IDE: variants seen among roughly 807,000 people sequenced by gnomAD.
The protein encoded by IDE is insulin degrading enzyme.
In IDE, 58 loss-of-function variants were observed where a neutral mutation model predicts 133.2. That is an observed-to-expected ratio of 0.44 (90% CI 0.35 to 0.54). The LOEUF is 0.54. IDE is among the 20% of genes least tolerant of loss of function. The probability of loss-of-function intolerance (pLI) is 0.00; values close to 1 mark genes in which losing one functional copy is unlikely to be tolerated. For synonymous variants in IDE, 396 were observed against 421.3 expected (o/e 0.94, Z 0.73); for missense variants, 981 against 1,234.0 (o/e 0.79, Z 3.07).
chr10:92,515,710 G>A (rs1848882957), intron 4 of IDE, among the ~76,000 whole-genome samples: 1 of 150,270 alleles, frequency 6.7e-6, no homozygotes, highest in East Asian at 2.0e-4. Flanking sequence ...ACAGGCATGC[G>A]CCACCACGCC....
In IDE at chr10:92,525,752, GAAA is replaced by G. The variant is rs59547662; in HGVS notation, c.661+5993_661+5995del. On this transcript the variant is annotated intron_variant, in intron 4 of 24. Coordinates refer to ENST00000265986, the MANE Select transcript of IDE (RefSeq NM_004969.4). ...TCTATATGCCAACAGTGAACAATCT[GAAA>G]AAAAAAAAAAAAAAACCAAGAAAGC... is the stretch of plus-strand genomic sequence containing the variant. Among the ~76,000 whole-genome samples, 1,035 of 116,408 alleles carry G rather than the reference GAAA, an allele frequency of 8.9e-3. 12 individuals carry two copies. Among genetic ancestry groups the G allele is most frequent in the African/African-American group, 0.029 (915 of 31,146 alleles). The allele number at this position is 116,408 out of a possible 152,430, so 76.4% of individuals were successfully genotyped here.
At chr10:92,516,030 G>A (rs1221662986) in intron 4 of IDE, among the ~76,000 whole-genome samples, 10 of 151,146 alleles carry the variant, frequency 6.6e-5, no homozygotes, top group African/African-American at 1.9e-4. Flanking sequence ...TTAGCCAGGC[G>A]TGGTGGCACA....
chr10:92,572,752 C>A (rs1843846299), intron 1 of IDE, among the ~76,000 whole-genome samples: 1 of 152,206 alleles, frequency 6.6e-6, no homozygotes, highest in Non-Finnish European at 1.5e-5. Flanking sequence ...AATCGGCTCA[C>A]TGCTCCCCCA....
At chr10:92,573,635 C>T (rs1430428192) in intron 1 of IDE, among the ~76,000 whole-genome samples, 1 of 152,212 alleles carries the variant, frequency 6.6e-6, no homozygotes, top group Non-Finnish European at 1.5e-5. Context: ...CCCTGCGCCC[C>T]CCGCACTAGT....
In IDE at chr10:92,531,923, G is replaced by T. The variant is rs1849947318; in HGVS notation, c.492-6C>A. 2 of 1,482,936 alleles carry T rather than the reference G, an allele frequency of 1.3e-6. No homozygotes were observed. The highest frequency in any genetic ancestry group is 2.9e-5 in the South Asian group (2 of 67,948). The allele number at this position is 1,482,936 out of a possible 1,614,324, so 91.9% of individuals were successfully genotyped here. A position where few individuals can be genotyped will look rare whatever the true frequency, so the allele number is the denominator to read the frequency against. ...ACAGAAAAAACTGTGCAAACCTAAG[G>T]GTACGAAACATAATTAAAACTTGAA... On this transcript the variant is annotated splice_region_variant and splice_polypyrimidine_tract_variant and intron_variant, in intron 3 of 24. Transcript: ENST00000265986.
chr10:92,508,080 C>T, intron 8 of IDE, 33 bp downstream of exon 8: 1 of 1,472,080 alleles, frequency 6.8e-7, no homozygotes, highest in Non-Finnish European at 9.4e-7. Context: ...AGTAAATTTT[C>T]ATTCAAAAGT....
intron 15 of IDE, among the ~76,000 whole-genome samples, chr10:92,477,973 A>G (rs1846371219): frequency 6.6e-6 from 1 of 152,234 alleles, no homozygotes; most frequent in Non-Finnish European, 1.5e-5. Context: ...CTTTTGTGTA[A>G]GAATTTAAAC....
chr10:92,526,060 G>A (rs964107573), intron 4 of IDE, among the ~76,000 whole-genome samples: 6 of 151,764 alleles, frequency 4.0e-5, no homozygotes, highest in Non-Finnish European at 8.8e-5. Flanking sequence ...GGAGGCTGAG[G>A]CAGAATTACT....
At chr10:92,540,240 G>A (rs1442270195) in intron 1 of IDE, among the ~76,000 whole-genome samples, 9 of 147,858 alleles carry the variant, frequency 6.1e-5, no homozygotes, top group African/African-American at 1.3e-4. Context: ...GCGAGACTCC[G>A]TCTCAAAAGA....
intron 24 of IDE, 39 bp downstream of exon 24, chr10:92,455,537 C>T: frequency 1.6e-6 from 2 of 1,228,024 alleles, no homozygotes; most frequent in Non-Finnish European, 2.4e-6. Context: ...ATAGAAAGTC[C>T]TCTGTCAGTA....
chr10:92,509,998 T>C (rs1036150978), intron 6 of IDE, 52 bp downstream of exon 6: 3 of 817,892 alleles, frequency 3.7e-6, no homozygotes, highest in South Asian at 1.5e-5. Context: ...AAACTAGGTA[T>C]ATATTATGTC....
rs552515038 is a variant in IDE, at chr10:92,540,207, C to A, written c.99-2657G>T. On this transcript the variant is annotated intron_variant, in intron 1 of 24. Coordinates refer to ENST00000265986, the MANE Select transcript of IDE (RefSeq NM_004969.4). Reference sequence around the variant, plus strand: ...GCAGTGAGCCAAGATCATGCCACTGCACTCCAGCCTGGGCGCAACAGAGCG... The same window carrying A: ...GCAGTGAGCCAAGATCATGCCACTGAACTCCAGCCTGGGCGCAACAGAGCG... 2.0e-5 allele frequency among the ~76,000 whole-genome samples: 3 copies of A among 151,438 alleles called. No homozygotes were observed. The South Asian group carries it at 6.3e-4, about 32-fold the overall frequency.
At chr10:92,492,820 G>T (rs772197024) in intron 11 of IDE, among the ~76,000 whole-genome samples, 1 of 152,114 alleles carries the variant, frequency 6.6e-6, no homozygotes, top group Non-Finnish European at 1.5e-5. Flanking sequence ...CAACTTCAAC[G>T]CTAGTAGTCT....
chr10:92,538,001 C>G (rs909739002), intron 1 of IDE, among the ~76,000 whole-genome samples: 1 of 151,888 alleles, frequency 6.6e-6, no homozygotes, highest in African/African-American at 2.4e-5. Flanking sequence ...TCCCCCCAAG[C>G]AGCTGGGACC....
intron 11 of IDE, among the ~76,000 whole-genome samples, chr10:92,491,240 TA>T (rs879942324): frequency 6.2e-4 from 86 of 138,912 alleles, no homozygotes; most frequent in Admixed American, 6.6e-4. Context: ...CTTGTCTCTT[TA>T]AAAAAAAAAA....
chr10:92,492,753 A>T (rs1276277086), intron 11 of IDE, among the ~76,000 whole-genome samples: 2 of 152,176 alleles, frequency 1.3e-5, no homozygotes, highest in African/African-American at 4.8e-5. Context: ...GATGATACTC[A>T]TTCATTTTGA....
chr10:92,564,421 C>T (rs577175124), intron 1 of IDE, among the ~76,000 whole-genome samples: 36 of 152,016 alleles, frequency 2.4e-4, no homozygotes, highest in Middle Eastern at 3.4e-3. Flanking sequence ...CCTGTAATCC[C>T]AGCACTTTAG....
At chr10:92,470,454 A>G (rs1289532492) in intron 17 of IDE, 109 bp from the exon 18 acceptor site, 6 of 537,974 alleles carry the variant, frequency 1.1e-5, no homozygotes, top group East Asian at 3.0e-5. Context: ...GAGCTCCTGT[A>G]AACACTTCAC....
intron 22 of IDE, among the ~76,000 whole-genome samples, chr10:92,460,609 GA>G (rs1205671354): frequency 6.6e-6 from 1 of 152,020 alleles, no homozygotes; most frequent in Non-Finnish European, 1.5e-5. Flanking sequence ...TAAGCTAAAA[GA>G]AAAAAAATTT....
Sources: gnomAD v4.1 joint callset for allele counts (sites outside exome capture counted in the v4.1 genomes callset) on GRCh38, gnomAD v4.1.1 for gene constraint, MANE v1.5 for transcripts, NCBI Gene and HGNC (gene_info 2026-07-23, HGNC 2026-07-21) for gene names.